PRKCB: variants seen among roughly 807,000 people sequenced by gnomAD.
The protein encoded by PRKCB is protein kinase C beta.
In PRKCB, 13 loss-of-function variants were observed where a neutral mutation model predicts 81.5. The ratio of observed to expected loss-of-function variants is 0.16; its 90% CI spans 0.10 to 0.25. The LOEUF (loss-of-function observed/expected upper bound fraction) is 0.25, where lower values mean the gene tolerates loss of function less well. Ranked by LOEUF, PRKCB falls within the 10% of genes least tolerant of loss-of-function variation. The pLI is 1.00. For synonymous variants in PRKCB, 335 were observed against 321.4 expected (o/e 1.04, Z -0.45); for missense variants, 509 against 875.7 (o/e 0.58, Z 5.29).
intron 2 of PRKCB, among the ~76,000 whole-genome samples, chr16:23,906,420 A>G (rs191137792): frequency 6.6e-6 from 1 of 152,272 alleles, no homozygotes; most frequent in East Asian, 1.9e-4. Flanking sequence ...AGCCTGGCAT[A>G]TGTTTTATAT....
chr16:24,203,227 G>A (rs766398028), intron 16 of PRKCB: 1 of 150,794 alleles, frequency 6.6e-6, no homozygotes, highest in Non-Finnish European at 1.5e-5. Flanking sequence ...CCTCCTGCTC[G>A]AGTGACAGAG....
In PRKCB at chr16:24,217,039, C is replaced by A. The variant is rs554658577; in HGVS notation, c.*2223C>A. 8 of 980,716 alleles carry A rather than the reference C, an allele frequency of 8.2e-6. No homozygotes were observed. The South Asian group carries it at 3.3e-4, about 41-fold the overall frequency. 60.8% of individuals were successfully genotyped at this position (980,716 alleles called of 1,614,324 possible). A position where few individuals can be genotyped will look rare whatever the true frequency, so the allele number is the denominator to read the frequency against. On this transcript the variant is annotated 3_prime_UTR_variant, in exon 17 of 17. Coordinates refer to ENST00000643927, the MANE Select transcript of PRKCB (RefSeq NM_002738.7). ...CCATGGAGAAACACTAGGCCATTGACAAATGATCTGAGACAACTTTAGAAA... is the reference window on the plus strand; with the variant it reads ...CCATGGAGAAACACTAGGCCATTGAAAAATGATCTGAGACAACTTTAGAAA...
intron 3 of PRKCB, among the ~76,000 whole-genome samples, chr16:24,001,958 T>G (rs919542414): frequency 6.6e-6 from 1 of 152,202 alleles, no homozygotes; most frequent in Non-Finnish European, 1.5e-5. Context: ...CATTTCTGCT[T>G]TATTGGTTAG....
intron 8 of PRKCB, among the ~76,000 whole-genome samples, chr16:24,119,277 C>G (rs530826605): frequency 1.1e-3 from 173 of 152,032 alleles, no homozygotes; most frequent in African/African-American, 3.4e-3. Flanking sequence ...AAGGGAGTTT[C>G]TAGTGCTGAG....
rs958052832 is a variant in PRKCB at position 24,215,158 on chromosome 16, A to G, written c.*342A>G. ...TTCTGCACTGCCATATTCACCCCCAACCATCCAATCTGTGGATAATTGGAT... is the reference window on the plus strand; with the variant it reads ...TTCTGCACTGCCATATTCACCCCCAGCCATCCAATCTGTGGATAATTGGAT... On this transcript the variant is annotated 3_prime_UTR_variant, in exon 17 of 17. Transcript: ENST00000643927. 1.9e-6 allele frequency: 2 copies of G among 1,050,988 alleles called. No individual in the cohort carries two copies. Among genetic ancestry groups the G allele is most frequent in the East Asian group, 7.8e-5 (1 of 12,772 alleles). 65.1% of individuals were successfully genotyped at this position (1,050,988 alleles called of 1,614,324 possible).
intron 2 of PRKCB, among the ~76,000 whole-genome samples, chr16:23,905,868 C>G (rs1197418084): frequency 6.6e-6 from 1 of 152,182 alleles, no homozygotes; most frequent in Non-Finnish European, 1.5e-5. Flanking sequence ...AATAATGTCT[C>G]ATGGGGATTG....
chr16:24,120,486 A>G (rs1044995896), intron 8 of PRKCB, among the ~76,000 whole-genome samples: 1 of 152,112 alleles, frequency 6.6e-6, no homozygotes, highest in African/African-American at 2.4e-5. Context: ...GGATCTCAAC[A>G]TGCCTGAAAT....
intron 2 of PRKCB, among the ~76,000 whole-genome samples, chr16:23,925,232 T>G (rs1455576148): frequency 6.6e-6 from 1 of 152,112 alleles, no homozygotes; most frequent in African/African-American, 2.4e-5. Flanking sequence ...ACTTCTTGGC[T>G]ATTTCTTCCT....
At chr16:24,093,046 C>G in intron 6 of PRKCB, 99 bp downstream of exon 6, 1 of 1,255,584 alleles carries the variant, frequency 8.0e-7, no homozygotes, top group Non-Finnish European at 1.1e-6. Context: ...TGTTTCCTTC[C>G]TTCCCTACCT....
intron 2 of PRKCB, among the ~76,000 whole-genome samples, chr16:23,866,943 C>T (rs1339691933): frequency 6.8e-6 from 1 of 147,016 alleles, no homozygotes; most frequent in Non-Finnish European, 1.5e-5. Flanking sequence ...CTTCCCTTCC[C>T]CTTCCTTTCT....
chr16:23,885,959 A>C (rs1465663083), intron 2 of PRKCB, among the ~76,000 whole-genome samples: 1 of 152,200 alleles, frequency 6.6e-6, no homozygotes, highest in African/African-American at 2.4e-5. Context: ...CAACATTAAC[A>C]ACAACAAACT....
chr16:23,879,499 T>G (rs1187178106), intron 2 of PRKCB, among the ~76,000 whole-genome samples: 3 of 40,188 alleles, frequency 7.5e-5, no homozygotes, highest in Non-Finnish European at 1.9e-4. Flanking sequence ...TTTTTTTTTT[T>G]TTTTTTTTTT....
chr16:24,210,838 G>A (rs1238696760), intron 16 of PRKCB, among the ~76,000 whole-genome samples: 2 of 152,022 alleles, frequency 1.3e-5, no homozygotes, highest in Admixed American at 6.6e-5. Context: ...TCTCCCTCTG[G>A]CACTAAAACA....
chr16:23,854,553 T>C, intron 2 of PRKCB, among the ~76,000 whole-genome samples: 1 of 152,108 alleles, frequency 6.6e-6, no homozygotes, highest in Non-Finnish European at 1.5e-5. Context: ...TCCAGTGGGC[T>C]ATCCTGAGCA....
intron 2 of PRKCB, among the ~76,000 whole-genome samples, chr16:23,945,367 C>A (rs1371199511): frequency 6.6e-6 from 1 of 152,184 alleles, no homozygotes; most frequent in African/African-American, 2.4e-5. Flanking sequence ...CTTCCCCTGC[C>A]ACTGTTGGGA....
At chr16:24,179,196 A>G (rs1967581298) in intron 12 of PRKCB, among the ~76,000 whole-genome samples, 1 of 152,242 alleles carries the variant, frequency 6.6e-6, no homozygotes, top group Non-Finnish European at 1.5e-5. Context: ...TTCCTGAATC[A>G]ATCACTGTGA....
intron 3 of PRKCB, among the ~76,000 whole-genome samples, chr16:24,027,619 C>A (rs957626922): frequency 6.6e-6 from 1 of 152,134 alleles, no homozygotes; most frequent in Admixed American, 6.5e-5. Flanking sequence ...GTGCTCTGGA[C>A]GAGTACTTCA....
At chr16:24,165,497 G>C (rs371443774) in intron 10 of PRKCB, among the ~76,000 whole-genome samples, 1 of 152,152 alleles carries the variant, frequency 6.6e-6, no homozygotes, top group Non-Finnish European at 1.5e-5. Flanking sequence ...CTCGATGAAA[G>C]TTCTAAAACT....
chr16:24,078,713 G>A (rs1227602145), intron 5 of PRKCB, among the ~76,000 whole-genome samples: 2 of 152,214 alleles, frequency 1.3e-5, no homozygotes, highest in African/African-American at 2.4e-5. Flanking sequence ...GCTTGTGAGA[G>A]CTCAAAGGTG....
Sources: allele counts gnomAD v4.1 joint callset (sites outside exome capture counted in the v4.1 genomes callset), GRCh38; gene constraint gnomAD v4.1.1; transcripts MANE v1.5; gene names NCBI Gene and HGNC (gene_info 2026-07-23, HGNC 2026-07-21).